RAPGEF2: variants seen among roughly 807,000 people sequenced by gnomAD.
RAPGEF2 encodes the protein PDZ domain containing guanine nucleotide exchange factor (GEF) 1.
RAPGEF2 carries 54 observed loss-of-function variants against 186.7 expected under a neutral mutation model. That is an observed-to-expected ratio of 0.29 (90% confidence interval 0.23 to 0.36). The LOEUF (loss-of-function observed/expected upper bound fraction) is 0.36. Ranked by LOEUF, RAPGEF2 falls within the 10% of genes least tolerant of loss-of-function variation. The pLI, the probability that RAPGEF2 is intolerant of heterozygous loss-of-function variation, is 1.00. For missense variants in RAPGEF2, 1,532 were observed against 2,045.0 expected, an observed-to-expected ratio of 0.75 and a Z score of 4.84; for synonymous variants, 712 against 705.9, an observed-to-expected ratio of 1.01 and a Z score of -0.14.
In RAPGEF2 at chr4:159,154,179, A is replaced by G. The variant is rs541614428; in HGVS notation, c.70-32463A>G. On this transcript the variant is annotated intron_variant, in intron 1 of 29. Transcript: ENST00000691494. ...CAATGTAATTTTAAGTAAATGATAC[A>G]TTATCACCTAGCAGTCCAAAGGAAA... 2.0e-5 allele frequency among the ~76,000 whole-genome samples: 3 copies of G among 152,318 alleles called. No homozygotes were observed. In the South Asian group the frequency reaches 6.2e-4, roughly 32 times the overall value.
chr4:159,248,662 C>G (rs1045392774), intron 7 of RAPGEF2, among the ~76,000 whole-genome samples: 2 of 152,190 alleles, frequency 1.3e-5, no homozygotes, highest in South Asian at 2.1e-4. Flanking sequence ...CTCTTTCTTG[C>G]AGTTACAATC....
At chr4:159,122,848 A>C (rs1218666229) in intron 1 of RAPGEF2, among the ~76,000 whole-genome samples, 1 of 152,242 alleles carries the variant, frequency 6.6e-6, no homozygotes. Flanking sequence ...CCCAAGAAGC[A>C]AAGAAAATTC....
chr4:159,198,572 A>G (rs1299429207), intron 3 of RAPGEF2, among the ~76,000 whole-genome samples: 1 of 151,482 alleles, frequency 6.6e-6, no homozygotes, highest in East Asian at 2.0e-4. Context: ...CAGCCTCCCA[A>G]GTAGCTGGGA....
intron 1 of RAPGEF2, among the ~76,000 whole-genome samples, chr4:159,119,845 C>T (rs941641771): frequency 2.6e-5 from 4 of 152,158 alleles, no homozygotes; most frequent in African/African-American, 7.2e-5. Context: ...ATGATATTTT[C>T]TAAATTGGTT....
At position 159,210,485 on chromosome 4, in the gene RAPGEF2, A is replaced by G; in HGVS notation, c.198-15A>G. 6.6e-7 allele frequency: 1 copy of G among 1,508,636 alleles called. No homozygotes were observed. Among genetic ancestry groups the G allele is most frequent in the Non-Finnish European group, 8.9e-7 (1 of 1,122,924 alleles). 93.5% of individuals were successfully genotyped at this position (1,508,636 alleles called of 1,614,324 possible). ...TTATAGGTAACAATCTGATTCTGTT[A>G]CCTTTTCTTTTCAGCCCTGATGATA... On this transcript the variant is annotated splice_polypyrimidine_tract_variant and intron_variant, in intron 3 of 29. Transcript: ENST00000691494.
chr4:159,323,681 T>C, intron 11 of RAPGEF2, 64 bp downstream of exon 11: 1 of 1,023,260 alleles, frequency 9.8e-7, no homozygotes, highest in Non-Finnish European at 1.3e-6. Flanking sequence ...TATGCCATTG[T>C]GATGAGATTT....
At chr4:159,346,580 A>T (rs1002212654) in intron 24 of RAPGEF2, among the ~76,000 whole-genome samples, 5 of 152,312 alleles carry the variant, frequency 3.3e-5, no homozygotes, top group Non-Finnish European at 4.4e-5. Context: ...CATAAAGTAG[A>T]TACCTTTGTC....
At chr4:159,182,388 T>A (rs950958357) in intron 1 of RAPGEF2, among the ~76,000 whole-genome samples, 570 of 45,224 alleles carry the variant, frequency 0.013, 4 homozygotes, top group African/African-American at 0.071. Context: ...CTTTTCTTCT[T>A]TTTTTTTTTT....
chr4:159,349,564 G>A (rs1030402885), intron 25 of RAPGEF2, among the ~76,000 whole-genome samples: 11 of 151,996 alleles, frequency 7.2e-5, no homozygotes, highest in African/African-American at 1.9e-4. Context: ...GGTCTCTTCC[G>A]CCCTTCTCTT....
chr4:159,252,494 G>A (rs1164279989), intron 7 of RAPGEF2, among the ~76,000 whole-genome samples: 1 of 152,242 alleles, frequency 6.6e-6, no homozygotes, highest in Non-Finnish European at 1.5e-5. Flanking sequence ...GGGATGTAGA[G>A]AATACTTGAG....
At chr4:159,120,834 CTT>C (rs949224966) in intron 1 of RAPGEF2, among the ~76,000 whole-genome samples, 1 of 149,176 alleles carries the variant, frequency 6.7e-6, no homozygotes. Flanking sequence ...TACTGTCCAT[CTT>C]TTTTTTTTAA....
intron 3 of RAPGEF2, among the ~76,000 whole-genome samples, chr4:159,195,274 C>A (rs1748515929): frequency 6.6e-6 from 1 of 152,148 alleles, no homozygotes; most frequent in Admixed American, 6.5e-5. Flanking sequence ...AAAAAGTTAT[C>A]AGTGGAATGA....
rs185623235 is a variant in RAPGEF2, at chr4:159,184,076, C to A, written c.70-2566C>A. Among the ~76,000 whole-genome samples the A allele has an allele frequency of 8.8e-3, 1,332 of 152,224 alleles. 26 individuals are homozygous for A. The highest frequency in any genetic ancestry group is 0.03 in the African/African-American group (1,237 of 41,524). ...TCCCTACAAAGGACATGAACTCATC[C>A]TTTTTTATGGCTGCATATTATTCCA... On this transcript the variant is annotated intron_variant, in intron 1 of 29. Coordinates refer to ENST00000691494, the MANE Select transcript of RAPGEF2 (RefSeq NM_001394067.2).
intron 7 of RAPGEF2, among the ~76,000 whole-genome samples, chr4:159,256,664 A>T (rs749729411): frequency 6.6e-6 from 1 of 152,216 alleles, no homozygotes; most frequent in Non-Finnish European, 1.5e-5. Flanking sequence ...ACTCCCACCA[A>T]CAATGTAAGT....
chr4:159,314,173 G>T (rs979489392), intron 8 of RAPGEF2, among the ~76,000 whole-genome samples: 6 of 152,100 alleles, frequency 3.9e-5, no homozygotes, highest in Non-Finnish European at 7.3e-5. Flanking sequence ...GTCTAATTGG[G>T]GTAAAATGGT....
At chr4:159,131,148 T>G (rs1741025430) in intron 1 of RAPGEF2, among the ~76,000 whole-genome samples, 1 of 151,750 alleles carries the variant, frequency 6.6e-6, no homozygotes, top group Non-Finnish European at 1.5e-5. Context: ...TTCGCCCTTG[T>G]TGCCCAGGCT....
At chr4:159,260,471 C>G (rs532293719) in intron 7 of RAPGEF2, among the ~76,000 whole-genome samples, 2 of 151,992 alleles carry the variant, frequency 1.3e-5, no homozygotes, top group Admixed American at 6.6e-5. Context: ...CTCGCATTTT[C>G]CCGCCAGCTG....
intron 7 of RAPGEF2, among the ~76,000 whole-genome samples, chr4:159,250,801 G>T (rs552304347): frequency 6.6e-6 from 1 of 151,876 alleles, no homozygotes; most frequent in Non-Finnish European, 1.5e-5. Flanking sequence ...CGGCGCCTCG[G>T]CCTCGGCATC....
chr4:159,254,938 C>T (rs983982656), intron 7 of RAPGEF2, among the ~76,000 whole-genome samples: 2 of 152,202 alleles, frequency 1.3e-5, no homozygotes, highest in East Asian at 3.8e-4. Context: ...TGCATAATGA[C>T]ATTTTTGTCA....
Sources: allele counts gnomAD v4.1 joint callset (sites outside exome capture counted in the v4.1 genomes callset), GRCh38; gene constraint gnomAD v4.1.1; transcripts MANE v1.5; gene names NCBI Gene and HGNC (gene_info 2026-07-23, HGNC 2026-07-21).